Variants in NEGR1 observed in about 807,000 individuals in gnomAD.
NEGR1 encodes IgLON family member 4.
A neutral mutation model predicts 40.9 loss-of-function variants in NEGR1; 10 were observed. That is an observed-to-expected ratio of 0.24 (90% CI 0.15 to 0.42). NEGR1 has a LOEUF of 0.42. Ranked by LOEUF, NEGR1 falls within the 10% of genes least tolerant of loss-of-function variation. The pLI, the probability that NEGR1 is intolerant of heterozygous loss-of-function variation, is 1.00. For missense variants in NEGR1, 352 were observed against 438.9 expected, an observed-to-expected ratio of 0.80 and a Z score of 1.77; for synonymous variants, 185 against 166.8, an observed-to-expected ratio of 1.11 and a Z score of -0.84.
intron 6 of NEGR1, among the ~76,000 whole-genome samples, chr1:71,420,481 T>C (rs1646387028): frequency 6.6e-6 from 1 of 151,992 alleles, no homozygotes; most frequent in Admixed American, 6.5e-5. Flanking sequence ...TAGGACTATG[T>C]AGTCAAGTAG....
intron 1 of NEGR1, among the ~76,000 whole-genome samples, chr1:72,069,617 G>A (rs1647381682): frequency 6.6e-6 from 1 of 151,986 alleles, no homozygotes; most frequent in African/African-American, 2.4e-5. Flanking sequence ...CACATGCACA[G>A]TCTTTTTATC....
intron 6 of NEGR1, among the ~76,000 whole-genome samples, chr1:71,459,232 A>AT (rs1482638643): frequency 6.6e-6 from 1 of 152,110 alleles, no homozygotes; most frequent in African/African-American, 2.4e-5. Context: ...CAGCTTTAAG[A>AT]TTTTCTCTTC....
At chr1:72,012,659 C>T (rs971049567) in intron 1 of NEGR1, among the ~76,000 whole-genome samples, 2 of 151,740 alleles carry the variant, frequency 1.3e-5, no homozygotes, top group East Asian at 1.9e-4. Flanking sequence ...GCCAGACCCT[C>T]TTTTTTTTCT....
intron 1 of NEGR1, among the ~76,000 whole-genome samples, chr1:72,075,290 C>T (rs542210938): frequency 3.3e-5 from 5 of 152,166 alleles, no homozygotes; most frequent in African/African-American, 1.2e-4. Context: ...GGCTTTTTCT[C>T]TGTTTTATTT....
intron 6 of NEGR1, among the ~76,000 whole-genome samples, chr1:71,540,734 TA>T (rs1231727687): frequency 6.6e-6 from 1 of 151,722 alleles, no homozygotes; most frequent in Non-Finnish European, 1.5e-5. Flanking sequence ...ATCAGACTGT[TA>T]AGGTATTGTT....
intron 1 of NEGR1, among the ~76,000 whole-genome samples, chr1:72,122,151 A>G (rs1016726370): frequency 3.9e-5 from 6 of 152,012 alleles, no homozygotes; most frequent in Non-Finnish European, 7.4e-5. Flanking sequence ...CCCATACTCA[A>G]TAAGTTCCTA....
At chr1:71,711,289 G>T (rs1341028465) in intron 3 of NEGR1, among the ~76,000 whole-genome samples, 1 of 141,746 alleles carries the variant, frequency 7.1e-6, no homozygotes, top group Admixed American at 7.5e-5. Flanking sequence ...AGCTTGCAGT[G>T]AGTGGAGATG....
At chr1:71,556,429 A>G (rs895414779) in intron 6 of NEGR1, among the ~76,000 whole-genome samples, 2 of 151,582 alleles carry the variant, frequency 1.3e-5, no homozygotes, top group African/African-American at 4.8e-5. Context: ...TGAAGAATTA[A>G]AACAACATGA....
chr1:71,445,509 T>G (rs74089349), intron 6 of NEGR1, among the ~76,000 whole-genome samples: 5,265 of 152,104 alleles, frequency 0.035, 321 homozygotes, highest in African/African-American at 0.12. Flanking sequence ...AAAGGCTGAC[T>G]TAGAAATGAT....
intron 6 of NEGR1, among the ~76,000 whole-genome samples, chr1:71,457,856 C>T (rs1376342597): frequency 5.9e-5 from 9 of 152,106 alleles, no homozygotes; most frequent in African/African-American, 9.7e-5. Flanking sequence ...CACCCGCCAC[C>T]ACGCCCAGCT....
intron 1 of NEGR1, among the ~76,000 whole-genome samples, chr1:71,972,170 C>T (rs1222075867): frequency 2.0e-5 from 3 of 152,152 alleles, no homozygotes; most frequent in Non-Finnish European, 4.4e-5. Flanking sequence ...AATAGCAGTG[C>T]AGGCACTGTA....
At chr1:71,523,879 T>A (rs1647183520) in intron 6 of NEGR1, among the ~76,000 whole-genome samples, 1 of 151,870 alleles carries the variant, frequency 6.6e-6, no homozygotes, top group South Asian at 2.1e-4. Flanking sequence ...TTTGTGATCC[T>A]CAGTATAGCG....
At chr1:72,273,776 C>T (rs955567828) in intron 1 of NEGR1, among the ~76,000 whole-genome samples, 1 of 151,612 alleles carries the variant, frequency 6.6e-6, no homozygotes, top group African/African-American at 2.4e-5. Context: ...ATGTATATCT[C>T]TTAAACCACT....
At position 72,168,947 on chromosome 1, in the gene NEGR1, G is replaced by A. The variant is rs575495957; in HGVS notation, c.176+113372C>T. Among the ~76,000 whole-genome samples the A allele has an allele frequency of 1.5e-4, 23 of 152,052 alleles. No homozygotes were observed. The East Asian group carries it at 2.9e-3, about 19-fold the overall frequency. ...CAAAAACTAAGAAACTAGAATGTGC[G>A]TACAAAAAGTAACTGCAAATTTGGT... On this transcript the variant is annotated intron_variant, in intron 1 of 6. Transcript: ENST00000357731.
rs1332321220 is a variant in NEGR1 at position 71,970,434 on chromosome 1, T to C, written c.177-35123A>G. Among the ~76,000 whole-genome samples the C allele has an allele frequency of 2.6e-5, 4 of 152,196 alleles. No homozygotes were observed. The East Asian group carries it at 7.7e-4, about 29-fold the overall frequency. Reference sequence around the variant, plus strand: ...GGGCGGGACTAGGGGCTCACACCTGTAATGCCAGCACTTTGAGAAGTTGAG... The same window carrying C: ...GGGCGGGACTAGGGGCTCACACCTGCAATGCCAGCACTTTGAGAAGTTGAG... On this transcript the variant is annotated intron_variant, in intron 1 of 6. Transcript: ENST00000357731.
intron 3 of NEGR1, among the ~76,000 whole-genome samples, chr1:71,763,136 C>A (rs1265515898): frequency 6.6e-6 from 1 of 152,090 alleles, no homozygotes; most frequent in African/African-American, 2.4e-5. Context: ...GATTTTGGTT[C>A]TGGCTACATG....
chr1:71,888,175 A>G (rs183012901), intron 2 of NEGR1, among the ~76,000 whole-genome samples: 1 of 152,282 alleles, frequency 6.6e-6, no homozygotes, highest in African/African-American at 2.4e-5. Flanking sequence ...TCTGAATAGA[A>G]AAAGAAACTG....
chr1:72,029,085 T>C (rs1246734820), intron 1 of NEGR1, among the ~76,000 whole-genome samples: 1 of 152,222 alleles, frequency 6.6e-6, no homozygotes, highest in Non-Finnish European at 1.5e-5. Flanking sequence ...TTTAGATTAA[T>C]ATATAAAGAT....
At chr1:71,981,528 T>C (rs188331460) in intron 1 of NEGR1, among the ~76,000 whole-genome samples, 1 of 152,130 alleles carries the variant, frequency 6.6e-6, no homozygotes, top group Non-Finnish European at 1.5e-5. Flanking sequence ...GTGGAAGTGA[T>C]GGAAGTGAAA....
Sources: gnomAD v4.1 joint callset for allele counts (sites outside exome capture counted in the v4.1 genomes callset) on GRCh38, gnomAD v4.1.1 for gene constraint, MANE v1.5 for transcripts, NCBI Gene and HGNC (gene_info 2026-07-23, HGNC 2026-07-21) for gene names.